MYPN: variants seen among roughly 807,000 people sequenced by gnomAD.
MYPN encodes the protein sarcomeric protein myopalladin, 145 kDa (MYOP).
A neutral mutation model predicts 129.4 loss-of-function variants in MYPN; 63 were observed. The observed-to-expected ratio is 0.49, with a 90% CI of 0.40 to 0.60. MYPN has a LOEUF of 0.60. Ranked by LOEUF, MYPN falls within the 20% of genes least tolerant of loss-of-function variation. MYPN has a pLI of 0.00. For synonymous variants in MYPN, 629 were observed against 600.9 expected, an observed-to-expected ratio of 1.05 and a Z score of -0.68; for missense variants, 1,596 against 1,635.4, an observed-to-expected ratio of 0.98 and a Z score of 0.42.
At chr10:68,142,045 G>A (rs1457885162) in intron 2 of MYPN, among the ~76,000 whole-genome samples, 2 of 152,170 alleles carry the variant, frequency 1.3e-5, no homozygotes, top group African/African-American at 4.8e-5. Context: ...CATTTTGTAT[G>A]TATACCAGTG....
chr10:68,118,548 C>T (rs1437671024), intron 1 of MYPN, among the ~76,000 whole-genome samples: 1 of 152,090 alleles, frequency 6.6e-6, no homozygotes, highest in Non-Finnish European at 1.5e-5. Context: ...ACACAATATA[C>T]AGGCTAGGCA....
At chr10:68,087,941 C>T (rs758823088) in exon 1 of MYPN, among the ~76,000 whole-genome samples, 10 of 152,166 alleles carry the variant, frequency 6.6e-5, no homozygotes, top group East Asian at 1.9e-4. Context: ...CTGGGAGTCC[C>T]GGCTGGAACT....
At chr10:68,096,216 T>C (rs2041955774) in intron 1 of MYPN, among the ~76,000 whole-genome samples, 2 of 152,236 alleles carry the variant, frequency 1.3e-5, no homozygotes, top group Admixed American at 1.3e-4. Flanking sequence ...ATGATAACTC[T>C]TAATACTTCA....
At chr10:68,204,509 G>A (rs557741815) in intron 18 of MYPN, among the ~76,000 whole-genome samples, 1 of 152,180 alleles carries the variant, frequency 6.6e-6, no homozygotes, top group East Asian at 1.9e-4. Context: ...ATCACCTTTG[G>A]TCAGGAGTTG....
In MYPN at chr10:68,109,507, C is replaced by G; in HGVS notation, c.-218C>G. ...ACCTGTGAGCTGACAAATGCTCTGGCTCCGGTGGTGACAGGTTGTCCAGCT... is the reference window on the plus strand; with the variant it reads ...ACCTGTGAGCTGACAAATGCTCTGGGTCCGGTGGTGACAGGTTGTCCAGCT... On this transcript the variant is annotated 5_prime_UTR_variant, in exon 1 of 20. Coordinates refer to ENST00000358913, the MANE Select transcript of MYPN (RefSeq NM_032578.4). 2.2e-6 allele frequency: 1 copy of G among 454,104 alleles called. No individual in the cohort carries two copies. The highest frequency in any genetic ancestry group is 4.4e-6 in the Non-Finnish European group (1 of 226,788). The allele number at this position is 454,104 out of a possible 1,614,324, so 28.1% of individuals were successfully genotyped here. A position where few individuals can be genotyped will look rare whatever the true frequency, so the allele number is the denominator to read the frequency against.
chr10:68,119,912 C>A (rs6480304), intron 1 of MYPN, among the ~76,000 whole-genome samples: 47,442 of 151,952 alleles, frequency 0.31, 7,894 homozygotes, highest in East Asian at 0.46. Flanking sequence ...GGATAGCATT[C>A]TAGAAGTTTG....
chr10:68,113,139 C>T (rs568761811), intron 1 of MYPN, among the ~76,000 whole-genome samples: 4 of 152,332 alleles, frequency 2.6e-5, no homozygotes, highest in African/African-American at 7.2e-5. Context: ...AAAAGGTCAC[C>T]TCAAATTTGC....
rs370522982 is a variant in MYPN, at chr10:68,130,684, T to C, written c.902+8344T>C. Among the ~76,000 whole-genome samples, 6 of 152,322 alleles carry C rather than the reference T, an allele frequency of 3.9e-5. No individual in the cohort carries two copies. In the East Asian group the frequency reaches 9.6e-4, roughly 24 times the overall value. On this transcript the variant is annotated intron_variant, in intron 2 of 19. Coordinates refer to ENST00000358913, the MANE Select transcript of MYPN (RefSeq NM_032578.4). Reference sequence around the variant, plus strand: ...GATGTTGGTTTTTGTAGTTCGCATCTAGTTTAAGAAATTCTTCCTAACCTC... The same window carrying C: ...GATGTTGGTTTTTGTAGTTCGCATCCAGTTTAAGAAATTCTTCCTAACCTC...
intron 2 of MYPN, among the ~76,000 whole-genome samples, chr10:68,142,244 A>G (rs2042589198): frequency 6.6e-6 from 1 of 152,166 alleles, no homozygotes; most frequent in Non-Finnish European, 1.5e-5. Context: ...ATTTAATTTT[A>G]ATGTCCATTT....
intron 2 of MYPN, among the ~76,000 whole-genome samples, chr10:68,124,920 T>A (rs943579596): frequency 6.6e-6 from 1 of 152,212 alleles, no homozygotes; most frequent in African/African-American, 2.4e-5. Context: ...TACAGCCCCA[T>A]GACAGCTACT....
chr10:68,161,355 G>A (rs565690745), intron 7 of MYPN, among the ~76,000 whole-genome samples: 33 of 152,162 alleles, frequency 2.2e-4, no homozygotes, highest in African/African-American at 7.0e-4. Flanking sequence ...AATTAGCCAG[G>A]CATGGTGGCA....
rs187569121 is a variant in MYPN, at chr10:68,161,605, C to T, written c.1460-124C>T. On this transcript the variant is annotated intron_variant, in intron 7 of 19. Transcript: ENST00000358913. The stretch of plus-strand genomic sequence containing the variant: ...GAGATCATCTTACTTAATATTGTCA[C>T]ATAATCTTATTGTATCACTCCTGAG... The T allele has an allele frequency of 7.1e-5, 51 of 720,668 alleles. 1 individual carries two copies. In the African/African-American group the frequency reaches 7.3e-4, roughly 10 times the overall value. The allele number at this position is 720,668 out of a possible 1,614,324, so 44.6% of individuals were successfully genotyped here. A position where few individuals can be genotyped will look rare whatever the true frequency, so the allele number is the denominator to read the frequency against.
intron 2 of MYPN, among the ~76,000 whole-genome samples, chr10:68,141,958 T>A (rs914504146): frequency 6.6e-6 from 1 of 152,252 alleles, no homozygotes; most frequent in Non-Finnish European, 1.5e-5. Flanking sequence ...GTTGTGTGAC[T>A]GCATCAGTCC....
chr10:68,187,765 A>T (rs1482976303), intron 12 of MYPN, among the ~76,000 whole-genome samples: 2 of 152,246 alleles, frequency 1.3e-5, no homozygotes, highest in Non-Finnish European at 2.9e-5. Context: ...GCAGAGGAGC[A>T]CAGGAGACTG....
At chr10:68,155,081 T>C (rs1589564806) in intron 6 of MYPN, among the ~76,000 whole-genome samples, 2 of 152,024 alleles carry the variant, frequency 1.3e-5, no homozygotes, top group African/African-American at 4.8e-5. Flanking sequence ...CTTGGGAGGC[T>C]GAGGCAGGAG....
rs779283631 is a variant in MYPN, at chr10:68,122,162, G to A, written c.724G>A (p.Ala242Thr). 1 of 1,611,774 alleles carries A rather than the reference G, an allele frequency of 6.2e-7. No homozygotes were observed. Among genetic ancestry groups the A allele is most frequent in the Non-Finnish European group, 8.5e-7 (1 of 1,178,584 alleles). ...CAAGAGGCGTGAAGCGGAGCAGGCT[G>A]CCAGTGAGGCGGCTGGTGGAGACAC... ...EAKRREAEQA[A>T]SEAAGGDTTP... is the part of the protein sequence containing the mutation. The change falls in exon 2 of 20, where the codon GCC becomes ACC. Residue 242 changes from alanine to threonine, a missense_variant. Coordinates refer to ENST00000358913, the MANE Select transcript of MYPN (RefSeq NM_032578.4).
chr10:68,138,219 C>T (rs2042518362), intron 2 of MYPN, among the ~76,000 whole-genome samples: 1 of 151,260 alleles, frequency 6.6e-6, no homozygotes, highest in Admixed American at 6.6e-5. Flanking sequence ...TCTCCTTCCT[C>T]AGTCTCCTGA....
chr10:68,165,723 T>C lies in MYPN; in HGVS notation c.1505T>C (p.Ile502Thr). 1 of 1,614,172 alleles carries C rather than the reference T, an allele frequency of 6.2e-7. No individual in the cohort carries two copies. ...ATAGAGGAGATTTGCACCTTGGTCA[T>C]TGCTGAGGTGTTTGCAGAAGATTCT... ...AEPEEICTLV[I>T]AEVFAEDSGC... Residue 502 changes from isoleucine to threonine, a missense_variant, in exon 9 of 20, where the codon ATT (isoleucine) becomes ACT (threonine). Physicochemically the swap from Ile to Thr is moderately conservative, Grantham distance 89 (BLOSUM62 -1). Transcript: ENST00000358913.
intron 2 of MYPN, among the ~76,000 whole-genome samples, chr10:68,140,466 A>G (rs1034052015): frequency 1.3e-5 from 2 of 152,178 alleles, no homozygotes; most frequent in African/African-American, 2.4e-5. Flanking sequence ...AGAAAATAGT[A>G]AAAGCGTGTA....
Sources: gnomAD v4.1 joint callset for allele counts (sites outside exome capture counted in the v4.1 genomes callset) on GRCh38, gnomAD v4.1.1 for gene constraint, MANE v1.5 for transcripts, NCBI Gene and HGNC (gene_info 2026-07-23, HGNC 2026-07-21) for gene names.